LIPC: variants seen among roughly 807,000 people sequenced by gnomAD.
LIPC encodes the protein hepatic triacylglycerol lipase.
LIPC carries 44 observed loss-of-function variants against 50.7 expected under a neutral mutation model. The observed-to-expected ratio is 0.87, with a 90% CI of 0.68 to 1.11. The LOEUF is 1.11. Among genes scored for constraint, LIPC ranks in the 50% most tolerant of loss-of-function variants. The pLI, the probability that LIPC is intolerant of heterozygous loss-of-function variation, is 0.00. For synonymous variants in LIPC, 271 were observed against 256.4 expected (o/e 1.06, Z -0.54); for missense variants, 697 against 648.2 (o/e 1.08, Z -0.82).
Position 58,563,147 on chromosome 15 carries a change from C to T in LIPC, c.1170-358C>T, listed in dbSNP as rs969466832. Among the ~76,000 whole-genome samples, 4 of 152,166 alleles carry T rather than the reference C, an allele frequency of 2.6e-5. No individual in the cohort carries two copies. In the South Asian group the frequency reaches 8.3e-4, roughly 32 times the overall value. On this transcript the variant is annotated intron_variant, in intron 7 of 8. Coordinates refer to ENST00000299022, the MANE Select transcript of LIPC (RefSeq NM_000236.3). The stretch of plus-strand genomic sequence containing the variant: ...CTGCAGGCATACTATGTTAAACCTA[C>T]AGAGAGCTGAACTGTCCAGACGCCG...
At chr15:58,499,138 A>G (rs1285210589) in intron 1 of LIPC, among the ~76,000 whole-genome samples, 1 of 152,180 alleles carries the variant, frequency 6.6e-6, no homozygotes, top group African/African-American at 2.4e-5. Context: ...GGGCGAGAAC[A>G]CCAGGGAACA....
At chr15:58,459,365 G>T (rs1349446213) in intron 1 of LIPC, among the ~76,000 whole-genome samples, 1 of 151,558 alleles carries the variant, frequency 6.6e-6, no homozygotes, top group Admixed American at 6.6e-5. Context: ...TGCTAAGCTT[G>T]AGTGAAAATC....
chr15:58,455,069 C>T (rs1444658516), intron 1 of LIPC: 1 of 152,224 alleles, frequency 6.6e-6, no homozygotes, highest in Non-Finnish European at 1.5e-5. Flanking sequence ...TGAATCTCTT[C>T]CCAACTCCGT....
chr15:58,500,761 C>G (rs1291911176), intron 1 of LIPC, among the ~76,000 whole-genome samples: 2 of 146,980 alleles, frequency 1.4e-5, no homozygotes, highest in Non-Finnish European at 3.0e-5. Context: ...CCCCCCACCA[C>G]CCCCCTTCTC....
intron 6 of LIPC, among the ~76,000 whole-genome samples, chr15:58,558,450 G>C (rs1287787172): frequency 3.3e-5 from 5 of 152,136 alleles, no homozygotes; most frequent in African/African-American, 1.2e-4. Context: ...CTTGGGATTT[G>C]AGCATCTATT....
At position 58,466,790 on chromosome 15, in the gene LIPC, C is replaced by T. The variant is rs530026593; in HGVS notation, c.88+34670C>T. Among the ~76,000 whole-genome samples the T allele has an allele frequency of 1.8e-4, 27 of 152,348 alleles. No individual in the cohort carries two copies. The South Asian group carries it at 5.0e-3, about 28-fold the overall frequency. Reference sequence around the variant, plus strand: ...GCTGAGCATTTTACCTCCTGCAAAGCACATGGTTTCCTTCTTCTCTTTGCA... The same window carrying T: ...GCTGAGCATTTTACCTCCTGCAAAGTACATGGTTTCCTTCTTCTCTTTGCA... On this transcript the variant is annotated intron_variant, in intron 1 of 8. Transcript: ENST00000299022.
intron 1 of LIPC, among the ~76,000 whole-genome samples, chr15:58,493,685 AAAT>A (rs1282300477): frequency 6.8e-6 from 1 of 148,070 alleles, no homozygotes; most frequent in Non-Finnish European, 1.5e-5. Context: ...TATTACGTAT[AAAT>A]AAAATTTATA....
chr15:58,489,217 C>CGGGGGGGGGGGGGG (rs59532809), intron 1 of LIPC, among the ~76,000 whole-genome samples: 1 of 16,562 alleles, frequency 6.0e-5, no homozygotes. Flanking sequence ...CATTTTGTTG[C>CGGGGGGGGGGGGGG]GGGGGCGGGG....
intron 1 of LIPC, among the ~76,000 whole-genome samples, chr15:58,473,202 C>T (rs183749585): frequency 1.3e-5 from 2 of 152,220 alleles, no homozygotes; most frequent in East Asian, 3.9e-4. Context: ...TATGTTTATG[C>T]TGCCAGGGTG....
intron 1 of LIPC, among the ~76,000 whole-genome samples, chr15:58,469,856 G>A (rs1359321019): frequency 1.3e-5 from 2 of 152,078 alleles, no homozygotes. Flanking sequence ...TCCCCCAAGA[G>A]AATAGAGGAG....
chr15:58,460,073 T>A (rs1474442035), intron 1 of LIPC, among the ~76,000 whole-genome samples: 3 of 152,194 alleles, frequency 2.0e-5, no homozygotes, highest in African/African-American at 7.2e-5. Context: ...CCACGGTGGT[T>A]ACGTCTGAGC....
chr15:58,513,563 G>C (rs1016208152), intron 1 of LIPC, among the ~76,000 whole-genome samples: 3 of 152,062 alleles, frequency 2.0e-5, no homozygotes, highest in Admixed American at 6.6e-5. Context: ...GAACAGCAGA[G>C]GGAAATATTC....
chr15:58,469,844 C>T (rs1248618915), intron 1 of LIPC, among the ~76,000 whole-genome samples: 1 of 152,134 alleles, frequency 6.6e-6, no homozygotes, highest in Non-Finnish European at 1.5e-5. Context: ...CGCGGCAGCA[C>T]TTCCCCCAAG....
intron 1 of LIPC, chr15:58,456,497 A>T (rs1894117712): frequency 6.6e-6 from 1 of 152,316 alleles, no homozygotes; most frequent in Non-Finnish European, 1.5e-5. Flanking sequence ...GCCATAGCTA[A>T]GGACAGGGCA....
chr15:58,557,784 T>A (rs563284228), intron 6 of LIPC, among the ~76,000 whole-genome samples: 19 of 152,354 alleles, frequency 1.2e-4, no homozygotes, highest in Admixed American at 1.2e-3. Flanking sequence ...TCGGTTACTA[T>A]GAGTGTTCCT....
chr15:58,461,383 A>C (rs1471808365), intron 1 of LIPC, among the ~76,000 whole-genome samples: 1 of 152,130 alleles, frequency 6.6e-6, no homozygotes, highest in Non-Finnish European at 1.5e-5. Context: ...CCAGGATTTG[A>C]ACACAGTCTC....
At chr15:58,516,706 G>A (rs768210862) in intron 1 of LIPC, among the ~76,000 whole-genome samples, 31 of 151,980 alleles carry the variant, frequency 2.0e-4, no homozygotes, top group Admixed American at 1.4e-3. Flanking sequence ...TTTCTTCTTA[G>A]CATGCTTACA....
At chr15:58,567,221 A>G (rs1894398062) in intron 8 of LIPC, among the ~76,000 whole-genome samples, 1 of 130,870 alleles carries the variant, frequency 7.6e-6, no homozygotes, top group African/African-American at 2.9e-5. Context: ...AAAAATATAT[A>G]TATATATATG....
intron 1 of LIPC, among the ~76,000 whole-genome samples, chr15:58,517,242 C>T (rs751650779): frequency 1.6e-4 from 24 of 152,264 alleles, no homozygotes; most frequent in Non-Finnish European, 2.9e-4. Flanking sequence ...TTGACCAATA[C>T]CCAATGTTGT....
Sources: gnomAD v4.1 joint callset for allele counts (sites outside exome capture counted in the v4.1 genomes callset) on GRCh38, gnomAD v4.1.1 for gene constraint, MANE v1.5 for transcripts, NCBI Gene and HGNC (gene_info 2026-07-23, HGNC 2026-07-21) for gene names.